The following GPHN variants were observed in gnomAD, a reference collection of about 807,000 sequenced individuals.
The protein encoded by GPHN is gephyrin.
A neutral mutation model predicts 95.5 loss-of-function variants in GPHN; 17 were observed. The ratio of observed to expected loss-of-function variants is 0.18; its 90% CI spans 0.12 to 0.27. The LOEUF (loss-of-function observed/expected upper bound fraction) is 0.27, where lower values mean the gene tolerates loss of function less well. Ranked by LOEUF, GPHN falls within the 10% of genes least tolerant of loss-of-function variation. The probability of loss-of-function intolerance (pLI) is 1.00; values close to 1 mark genes in which losing one functional copy is unlikely to be tolerated. For synonymous variants in GPHN, 320 were observed against 322.5 expected (o/e 0.99, Z 0.08); for missense variants, 660 against 978.1 (o/e 0.67, Z 4.34).
chr14:67,316,646 G>T, the GPHN span, among the ~76,000 whole-genome samples: 1 of 152,078 alleles, frequency 6.6e-6, no homozygotes, highest in Non-Finnish European at 1.5e-5. Context: ...TGATTGAGCA[G>T]AGTTAATATT....
intron 11 of GPHN, among the ~76,000 whole-genome samples, chr14:67,086,478 C>T (rs2076889666): frequency 6.6e-6 from 1 of 150,978 alleles, no homozygotes; most frequent in Non-Finnish European, 1.5e-5. Context: ...GGTGAAACCC[C>T]GTCTCTACTA....
the GPHN span, among the ~76,000 whole-genome samples, chr14:67,504,463 GT>G: frequency 3.3e-5 from 5 of 150,956 alleles, no homozygotes; most frequent in Admixed American, 1.3e-4. Context: ...ATTTAAGTCA[GT>G]TTTTTTTTCA....
chr14:67,382,397 G>A, the GPHN span: 1 of 1,520,618 alleles, frequency 6.6e-7, no homozygotes, highest in South Asian at 1.2e-5. Flanking sequence ...CCTAATAGTT[G>A]TGGGTTCTGT....
intron 1 of GPHN, among the ~76,000 whole-genome samples, chr14:66,578,565 A>G (rs925543820): frequency 1.3e-4 from 20 of 151,420 alleles, no homozygotes; most frequent in African/African-American, 4.4e-4. Context: ...GAAAGCAGCA[A>G]GAGAAAAGAA....
chr14:67,645,854 G>C, the GPHN span: 1 of 1,596,116 alleles, frequency 6.3e-7, no homozygotes, highest in Admixed American at 1.7e-5. Context: ...GGTTTTGCTG[G>C]AGTTGGTCTA....
At chr14:66,582,743 C>T (rs1595075608) in intron 1 of GPHN, among the ~76,000 whole-genome samples, 1 of 152,088 alleles carries the variant, frequency 6.6e-6, no homozygotes, top group African/African-American at 2.4e-5. Context: ...CATGGTATTC[C>T]ATGGTGTATA....
At chr14:66,864,520 C>T (rs1443399240) in intron 4 of GPHN, among the ~76,000 whole-genome samples, 1 of 152,124 alleles carries the variant, frequency 6.6e-6, no homozygotes, top group African/African-American at 2.4e-5. Context: ...TGCCTGTAAT[C>T]CCAGCACTTT....
At chr14:66,592,341 G>T (rs5985969) in intron 1 of GPHN, among the ~76,000 whole-genome samples, 76 of 151,744 alleles carry the variant, frequency 5.0e-4, no homozygotes, top group Middle Eastern at 3.4e-3. Context: ...CACAGCAAAA[G>T]AAACTATCAT....
the GPHN span, among the ~76,000 whole-genome samples, chr14:67,502,910 C>G: frequency 1.3e-5 from 2 of 152,062 alleles, no homozygotes; most frequent in Admixed American, 1.3e-4. Flanking sequence ...AAAGTTCCAG[C>G]CTTTGGGAGC....
At chr14:67,075,730 G>A (rs2076470475) in intron 11 of GPHN, among the ~76,000 whole-genome samples, 3 of 152,120 alleles carry the variant, frequency 2.0e-5, no homozygotes, top group Admixed American at 6.5e-5. Context: ...AAGTAACTAC[G>A]ATGTCGTCAA....
At chr14:66,599,392 A>ATTGTTTTTTTTTTTT (rs2062125319) in intron 1 of GPHN, among the ~76,000 whole-genome samples, 1 of 76,524 alleles carries the variant, frequency 1.3e-5, no homozygotes, top group Non-Finnish European at 2.3e-5. Flanking sequence ...TTTTTTTTGC[A>ATTGTTTTTTTTTTTT]TTTTTTTTTT....
intron 17 of GPHN, among the ~76,000 whole-genome samples, chr14:67,128,232 T>C (rs889837039): frequency 6.6e-6 from 1 of 152,116 alleles, no homozygotes; most frequent in Non-Finnish European, 1.5e-5. Context: ...TGTGAGTTTA[T>C]ATACTTTTAA....
intron 9 of GPHN, among the ~76,000 whole-genome samples, chr14:67,006,086 T>C (rs2072590187): frequency 1.3e-5 from 2 of 151,984 alleles, no homozygotes; most frequent in African/African-American, 2.4e-5. Flanking sequence ...TTGACATCAG[T>C]ATTTAAATAA....
At chr14:67,240,103 T>A in the GPHN span, among the ~76,000 whole-genome samples, 7 of 152,178 alleles carry the variant, frequency 4.6e-5, no homozygotes, top group Admixed American at 3.9e-4. Context: ...CATTAAGGTC[T>A]TTAGTGGCAT....
the GPHN span, among the ~76,000 whole-genome samples, chr14:67,401,821 T>C: frequency 3.3e-5 from 5 of 151,902 alleles, no homozygotes; most frequent in Non-Finnish European, 7.4e-5. Flanking sequence ...CCAACAGATA[T>C]CGGGCAGAAA....
chr14:67,286,946 G>A, the GPHN span, among the ~76,000 whole-genome samples: 1 of 151,882 alleles, frequency 6.6e-6, no homozygotes, highest in Non-Finnish European at 1.5e-5. Flanking sequence ...GGCTGCGCGT[G>A]GTGGCTCACG....
intron 2 of GPHN, among the ~76,000 whole-genome samples, chr14:66,696,901 A>G (rs988789559): frequency 1.3e-5 from 2 of 152,270 alleles, no homozygotes; most frequent in African/African-American, 4.8e-5. Flanking sequence ...AAAATTAACC[A>G]TAAAAGAGTA....
At chr14:66,776,393 A>G in intron 2 of GPHN, 71 bp from the exon 3 acceptor site, 2 of 909,154 alleles carry the variant, frequency 2.2e-6, no homozygotes, top group Non-Finnish European at 3.7e-6. Context: ...TCTGATGGTA[A>G]TGGCAGAAAT....
intron 11 of GPHN, among the ~76,000 whole-genome samples, chr14:67,086,698 T>C (rs2153666616): frequency 6.6e-6 from 1 of 150,990 alleles, no homozygotes; most frequent in African/African-American, 2.4e-5. Flanking sequence ...CATCTTACTT[T>C]AGCCACCTAT....
Sources: allele counts gnomAD v4.1 joint callset (sites outside exome capture counted in the v4.1 genomes callset), GRCh38; gene constraint gnomAD v4.1.1; transcripts MANE v1.5; gene names NCBI Gene and HGNC (gene_info 2026-07-23, HGNC 2026-07-21).